The following EHBP1 variants were observed in gnomAD, a reference collection of about 807,000 sequenced individuals.
EHBP1 encodes EH domain-binding protein 1.
A neutral mutation model predicts 144.0 loss-of-function variants in EHBP1; 55 were observed. The ratio of observed to expected loss-of-function variants is 0.38; its 90% CI spans 0.31 to 0.48. The LOEUF is 0.48. Among genes scored for constraint, EHBP1 ranks in the 20% least tolerant of loss-of-function variants. EHBP1 has a pLI of 0.98. For missense variants in EHBP1, 1,200 were observed against 1,364.2 expected, an observed-to-expected ratio of 0.88 and a Z score of 1.90; for synonymous variants, 469 against 472.7, an observed-to-expected ratio of 0.99 and a Z score of 0.10.
intron 7 of EHBP1, 145 bp from the exon 8 acceptor site, chr2:62,859,023 GA>G (rs1474201381): frequency 3.1e-6 from 2 of 649,898 alleles, no homozygotes; most frequent in African/African-American, 3.7e-5. Context: ...CAAAATACTT[GA>G]ATGGCATTCT....
At chr2:62,804,974 C>T (rs898366397) in intron 5 of EHBP1, among the ~76,000 whole-genome samples, 1 of 152,162 alleles carries the variant, frequency 6.6e-6, no homozygotes, top group African/African-American at 2.4e-5. Flanking sequence ...CAGCCCTGGT[C>T]CTGGAAAACT....
intron 18 of EHBP1, 30 bp downstream of exon 18, chr2:62,994,007 T>C: frequency 6.9e-7 from 1 of 1,441,324 alleles, no homozygotes. Context: ...GGTTTCATGA[T>C]TGCTGATAAT....
intron 15 of EHBP1, among the ~76,000 whole-genome samples, chr2:62,984,669 A>G (rs911752744): frequency 3.3e-5 from 5 of 152,252 alleles, no homozygotes; most frequent in African/African-American, 9.6e-5. Context: ...ACTGAAGTCA[A>G]TGAATCAAAA....
At position 62,859,113 on chromosome 2, in the gene EHBP1, T is replaced by C. The variant is rs200356703; in HGVS notation, c.635-56T>C. On this transcript the variant is annotated intron_variant, in intron 7 of 22. Transcript: ENST00000431489. ...TTTACCATTTGAAATATTTCACGAA[T>C]GTTCAATACTTACACTTAACCATAA... The C allele has an allele frequency of 2.7e-4, 393 of 1,470,774 alleles. 1 individual carries two copies. The highest frequency in any genetic ancestry group is 3.5e-4 in the Non-Finnish European group (382 of 1,086,566). 91.1% of individuals were successfully genotyped at this position (1,470,774 alleles called of 1,614,324 possible). A position where few individuals can be genotyped will look rare whatever the true frequency, so the allele number is the denominator to read the frequency against.
chr2:62,798,214 A>T (rs7598412), intron 5 of EHBP1, among the ~76,000 whole-genome samples: 5,432 of 152,182 alleles, frequency 0.036, 346 homozygotes, highest in African/African-American at 0.12. Flanking sequence ...CTAAAAATAC[A>T]AAAATTAGCT....
At chr2:63,027,950 A>T (rs1221213413) in intron 19 of EHBP1, among the ~76,000 whole-genome samples, 1 of 152,086 alleles carries the variant, frequency 6.6e-6, no homozygotes, top group South Asian at 2.1e-4. Context: ...TTTTTCAGTG[A>T]CAGGATCTCG....
intron 19 of EHBP1, among the ~76,000 whole-genome samples, chr2:63,035,208 T>C (rs780346724): frequency 5.3e-5 from 8 of 152,064 alleles, no homozygotes; most frequent in Non-Finnish European, 1.2e-4. Context: ...TTTTTTAGTA[T>C]GAGGTTACGT....
intron 10 of EHBP1, among the ~76,000 whole-genome samples, chr2:62,879,573 A>G (rs921231150): frequency 7.1e-4 from 107 of 151,530 alleles, no homozygotes; most frequent in Non-Finnish European, 1.4e-3. Flanking sequence ...ACACACACAC[A>G]CACACACACA....
intron 7 of EHBP1, among the ~76,000 whole-genome samples, chr2:62,843,337 G>C (rs2048055376): frequency 6.6e-6 from 1 of 152,126 alleles, no homozygotes; most frequent in South Asian, 2.1e-4. Flanking sequence ...GTACAGGGTA[G>C]AGTGGTTCCA....
intron 5 of EHBP1, among the ~76,000 whole-genome samples, chr2:62,816,382 T>C (rs1343966496): frequency 6.6e-6 from 1 of 152,204 alleles, no homozygotes; most frequent in African/African-American, 2.4e-5. Flanking sequence ...ATGAAATGTT[T>C]TCTAGATTGT....
chr2:63,018,057 C>T (rs2060556647), intron 19 of EHBP1, among the ~76,000 whole-genome samples: 1 of 152,082 alleles, frequency 6.6e-6, no homozygotes, highest in Non-Finnish European at 1.5e-5. Flanking sequence ...CCCAGCTACT[C>T]AAGAGGCTGA....
intron 2 of EHBP1, among the ~76,000 whole-genome samples, chr2:62,741,096 G>A (rs1445082590): frequency 6.6e-6 from 1 of 152,132 alleles, no homozygotes; most frequent in African/African-American, 2.4e-5. Context: ...CAGGGGCCCA[G>A]GCTACTCTTG....
intron 10 of EHBP1, among the ~76,000 whole-genome samples, chr2:62,912,557 A>G (rs1439408288): frequency 6.6e-6 from 1 of 152,142 alleles, no homozygotes; most frequent in Non-Finnish European, 1.5e-5. Flanking sequence ...GTCTCAAAAA[A>G]TATTTTTTAA....
At chr2:62,875,261 T>C (rs2050798737) in intron 10 of EHBP1, among the ~76,000 whole-genome samples, 1 of 152,210 alleles carries the variant, frequency 6.6e-6, no homozygotes, top group Non-Finnish European at 1.5e-5. Context: ...GCCAGCAGAC[T>C]GGGAACATCT....
At chr2:62,776,089 A>T (rs2042034761) in intron 5 of EHBP1, among the ~76,000 whole-genome samples, 1 of 152,224 alleles carries the variant, frequency 6.6e-6, no homozygotes, top group African/African-American at 2.4e-5. Context: ...CTACTGTTAG[A>T]CATTATAAAA....
chr2:62,817,213 G>GAA (rs887216191), intron 5 of EHBP1, among the ~76,000 whole-genome samples: 8 of 152,290 alleles, frequency 5.3e-5, no homozygotes, highest in Admixed American at 2.0e-4. Context: ...AAGTTAAGGA[G>GAA]AAAAAGTAAA....
At chr2:62,774,800 G>A (rs569964175) in intron 5 of EHBP1, among the ~76,000 whole-genome samples, 3 of 152,244 alleles carry the variant, frequency 2.0e-5, no homozygotes, top group East Asian at 1.9e-4. Flanking sequence ...AGCTGTGATC[G>A]TGACACTGCA....
In EHBP1 at chr2:62,710,614, CTCT is replaced by C. The variant is rs1461475557; in HGVS notation, c.104+3324_104+3326del. Among the ~76,000 whole-genome samples, 4 of 151,958 alleles carry C rather than the reference CTCT, an allele frequency of 2.6e-5. No individual in the cohort carries two copies. In the South Asian group the frequency reaches 8.3e-4, roughly 31 times the overall value. On this transcript the variant is annotated intron_variant, in intron 2 of 22. Transcript: ENST00000431489. ...GGTGAAGATACATCCCTGAAAGTAA[CTCT>C]TCTTTTTGTTCATTATTTCACACAT...
intron 10 of EHBP1, among the ~76,000 whole-genome samples, chr2:62,936,271 T>C (rs2056379123): frequency 6.6e-6 from 1 of 152,168 alleles, no homozygotes; most frequent in Non-Finnish European, 1.5e-5. Context: ...AAAGTCAGTT[T>C]CTTTAACAGT....
Sources: allele counts gnomAD v4.1 joint callset (sites outside exome capture counted in the v4.1 genomes callset), GRCh38; gene constraint gnomAD v4.1.1; transcripts MANE v1.5; gene names NCBI Gene and HGNC (gene_info 2026-07-23, HGNC 2026-07-21).